KCNQ3: variants seen among roughly 807,000 people sequenced by gnomAD.
KCNQ3 encodes the protein potassium voltage-gated channel subfamily Q member 3, also known as potassium voltage-gated channel subfamily KQT member 3.
A neutral mutation model predicts 92.5 loss-of-function variants in KCNQ3; 30 were observed. That is an observed-to-expected ratio of 0.32 (90% confidence interval 0.24 to 0.44). The LOEUF is 0.44. KCNQ3 is among the 20% of genes least tolerant of loss of function. KCNQ3 has a pLI of 1.00. For missense variants in KCNQ3, 913 were observed against 1,140.3 expected (o/e 0.80, Z 2.87); for synonymous variants, 450 against 468.8 (o/e 0.96, Z 0.52).
At chr8:132,250,792 G>T (rs1374447356) in intron 1 of KCNQ3, among the ~76,000 whole-genome samples, 2 of 152,066 alleles carry the variant, frequency 1.3e-5, no homozygotes, top group African/African-American at 4.8e-5. Context: ...AAAACGTAAT[G>T]GCTGCCCTTA....
intron 1 of KCNQ3, among the ~76,000 whole-genome samples, chr8:132,327,166 A>G (rs998914969): frequency 1.3e-5 from 2 of 152,170 alleles, no homozygotes; most frequent in African/African-American, 4.8e-5. Flanking sequence ...GAATTTGACA[A>G]ATTTGTTCCC....
At chr8:132,458,568 C>T (rs1275004864) in intron 1 of KCNQ3, among the ~76,000 whole-genome samples, 1 of 152,230 alleles carries the variant, frequency 6.6e-6, no homozygotes, top group Non-Finnish European at 1.5e-5. Context: ...GATTTTCCTG[C>T]CTCAGCCTCC....
chr8:132,426,359 T>C (rs1183407700), intron 1 of KCNQ3, among the ~76,000 whole-genome samples: 1 of 152,136 alleles, frequency 6.6e-6, no homozygotes, highest in African/African-American at 2.4e-5. Context: ...GTGTTTCAGT[T>C]CCTCCTCCAA....
At chr8:132,138,151 T>C in intron 11 of KCNQ3, 135 bp from the exon 12 acceptor site, 2 of 1,006,778 alleles carry the variant, frequency 2.0e-6, no homozygotes, top group Non-Finnish European at 3.0e-6. Context: ...ACTTCCAACG[T>C]TTGGTTCTGG....
At chr8:132,365,390 C>T (rs1819291831) in intron 1 of KCNQ3, among the ~76,000 whole-genome samples, 1 of 152,106 alleles carries the variant, frequency 6.6e-6, no homozygotes, top group African/African-American at 2.4e-5. Flanking sequence ...ACGTTTTACC[C>T]ATAAGGAAAG....
chr8:132,439,181 C>T (rs1193136214), intron 1 of KCNQ3, among the ~76,000 whole-genome samples: 1 of 151,690 alleles, frequency 6.6e-6, no homozygotes, highest in Non-Finnish European at 1.5e-5. Flanking sequence ...CAAGATTTAC[C>T]CCTGCTGAGT....
intron 1 of KCNQ3, among the ~76,000 whole-genome samples, chr8:132,414,910 G>A (rs557688744): frequency 6.6e-5 from 10 of 152,328 alleles, no homozygotes; most frequent in East Asian, 1.9e-4. Context: ...CAGTGTGTCC[G>A]GCAGAAGTAG....
chr8:132,325,562 A>G (rs1266383313), intron 1 of KCNQ3, among the ~76,000 whole-genome samples: 3 of 152,228 alleles, frequency 2.0e-5, no homozygotes, highest in African/African-American at 7.2e-5. Flanking sequence ...TGGTCTTATA[A>G]GAAGATATTT....
At chr8:132,160,438 T>C (rs1037702410) in intron 9 of KCNQ3, among the ~76,000 whole-genome samples, 1 of 152,198 alleles carries the variant, frequency 6.6e-6, no homozygotes, top group African/African-American at 2.4e-5. Flanking sequence ...AATTAGGTCA[T>C]TTTTTATAGT....
intron 2 of KCNQ3, among the ~76,000 whole-genome samples, chr8:132,184,959 C>G (rs1465067067): frequency 2.0e-5 from 3 of 152,196 alleles, no homozygotes; most frequent in Non-Finnish European, 4.4e-5. Flanking sequence ...GGCTGCAGAG[C>G]CCAGGAGCTT....
chr8:132,180,887 C>G (rs898293158), intron 3 of KCNQ3, among the ~76,000 whole-genome samples: 1 of 150,916 alleles, frequency 6.6e-6, no homozygotes, highest in African/African-American at 2.4e-5. Context: ...ACTGTTGAGT[C>G]CTTTGAGCTG....
intron 1 of KCNQ3, among the ~76,000 whole-genome samples, chr8:132,285,674 T>C (rs1461140162): frequency 1.3e-5 from 2 of 152,188 alleles, no homozygotes; most frequent in African/African-American, 2.4e-5. Context: ...CAGAGACTGT[T>C]TGCCAAGAAG....
chr8:132,337,081 G>T (rs968833336), intron 1 of KCNQ3, among the ~76,000 whole-genome samples: 5 of 152,176 alleles, frequency 3.3e-5, no homozygotes, highest in Non-Finnish European at 7.3e-5. Flanking sequence ...TTTGTATAAA[G>T]GTCCCTTATT....
At chr8:132,154,193 G>GTTTTTTTTTTTTTTTTTTTTTTTT (rs869112851) in intron 9 of KCNQ3, among the ~76,000 whole-genome samples, 13 of 27,482 alleles carry the variant, frequency 4.7e-4, no homozygotes, top group Non-Finnish European at 4.8e-4. Context: ...AAGGGTAAAA[G>GTTTTTTTTTTTTTTTTTTTTTTTT]TTTTTTTTTT....
At chr8:132,379,790 C>A (rs1278965120) in intron 1 of KCNQ3, among the ~76,000 whole-genome samples, 1 of 152,040 alleles carries the variant, frequency 6.6e-6, no homozygotes, top group African/African-American at 2.4e-5. Flanking sequence ...TGGAATATAT[C>A]TCACCAAATT....
chr8:132,259,626 CGACTTTG>C (rs1365768097), intron 1 of KCNQ3, among the ~76,000 whole-genome samples: 1 of 152,038 alleles, frequency 6.6e-6, no homozygotes, highest in Non-Finnish European at 1.5e-5. Context: ...CATTTCTATT[CGACTTTG>C]GACTAGAAGT....
At chr8:132,236,169 C>T (rs1425870160) in intron 1 of KCNQ3, among the ~76,000 whole-genome samples, 1 of 152,210 alleles carries the variant, frequency 6.6e-6, no homozygotes, top group Non-Finnish European at 1.5e-5. Flanking sequence ...GTTAACTCCA[C>T]CACTACTGGA....
Position 132,122,038 on chromosome 8 carries a change from G to A in KCNQ3, c.*7224C>T, listed in dbSNP as rs575593130. Reference sequence around the variant, plus strand: ...GGGTCTGTGATCATTTTACTGTAAAGCTGAGTGAACGTAGAAGCCCGAAGC... The same window carrying A: ...GGGTCTGTGATCATTTTACTGTAAAACTGAGTGAACGTAGAAGCCCGAAGC... On this transcript the variant is annotated 3_prime_UTR_variant, in exon 15 of 15. Coordinates refer to ENST00000388996, the MANE Select transcript of KCNQ3 (RefSeq NM_004519.4). The A allele has an allele frequency of 1.3e-5, 2 of 152,350 alleles. No homozygotes were observed. The highest frequency in any genetic ancestry group is 2.4e-5 in the African/African-American group (1 of 41,578). The allele number at this position is 152,350 out of a possible 1,614,324, so 9.4% of individuals were successfully genotyped here.
chr8:132,129,105 G>C lies in KCNQ3; in HGVS notation c.*157C>G. The C allele has an allele frequency of 1.3e-6, 1 of 743,436 alleles. No individual in the cohort carries two copies. The highest frequency in any genetic ancestry group is 2.2e-6 in the Non-Finnish European group (1 of 448,050). The allele number at this position is 743,436 out of a possible 1,614,324, so 46.1% of individuals were successfully genotyped here. ...TTTGTTGTGGTGACATGGGGAGGAA[G>C]AGGCTGTGGGAAGCCCCTGCCTGGG... On this transcript the variant is annotated 3_prime_UTR_variant, in exon 15 of 15. Transcript: ENST00000388996. The surrounding 1 kb of genome is among the most constrained non-coding windows in gnomAD (Gnocchi z 5.9).
Sources: allele counts gnomAD v4.1 joint callset (sites outside exome capture counted in the v4.1 genomes callset), GRCh38; gene constraint gnomAD v4.1.1; non-coding constraint Gnocchi (gnomAD v3.1); transcripts MANE v1.5; gene names NCBI Gene and HGNC (gene_info 2026-07-23, HGNC 2026-07-21).